Variants in COQ5 observed in about 807,000 individuals in gnomAD.
COQ5 encodes the protein 2-methoxy-6-polyprenyl-1,4-benzoquinol methylase, mitochondrial.
A neutral mutation model predicts 40.5 loss-of-function variants in COQ5; 27 were observed. The observed-to-expected ratio is 0.67, with a 90% CI of 0.49 to 0.92. The LOEUF (loss-of-function observed/expected upper bound fraction) is 0.92, where lower values mean the gene tolerates loss of function less well. Among genes scored for constraint, COQ5 ranks in the 40% least tolerant of loss-of-function variants. COQ5 has a pLI of 0.00. For missense variants in COQ5, 409 were observed against 406.4 expected, an observed-to-expected ratio of 1.01 and a Z score of -0.06; for synonymous variants, 141 against 150.0, an observed-to-expected ratio of 0.94 and a Z score of 0.44.
intron 4 of COQ5, among the ~76,000 whole-genome samples, chr12:120,505,315 C>T (rs564001496): frequency 6.6e-6 from 1 of 152,270 alleles, no homozygotes; most frequent in African/African-American, 2.4e-5. Context: ...TTCAAGGAAT[C>T]TAGCTTACAG....
rs373722232 is a variant in COQ5, at chr12:120,510,162, G to C, written c.575-39C>G. 4 of 1,509,900 alleles carry C rather than the reference G, an allele frequency of 2.6e-6. No individual in the cohort carries two copies. In the African/African-American group the frequency reaches 5.5e-5, roughly 21 times the overall value. The allele number at this position is 1,509,900 out of a possible 1,614,324, so 93.5% of individuals were successfully genotyped here. A position where few individuals can be genotyped will look rare whatever the true frequency, so the allele number is the denominator to read the frequency against. Reference sequence around the variant, plus strand: ...TGAGTTCCGGGTCTCAGTGTGGGTAGCTGTTTTTCCTGCCCCCAGTGAATT... The same window carrying C: ...TGAGTTCCGGGTCTCAGTGTGGGTACCTGTTTTTCCTGCCCCCAGTGAATT... On this transcript the variant is annotated intron_variant, in intron 3 of 6. Transcript: ENST00000288532.
At chr12:120,526,657 C>A in intron 1 of COQ5, 1 of 226,562 alleles carries the variant, frequency 4.4e-6, no homozygotes, top group Non-Finnish European at 8.9e-6. Context: ...ATATTTCATA[C>A]GACAAGAAGG....
chr12:120,528,238 A>C (rs1463915027), intron 1 of COQ5, among the ~76,000 whole-genome samples: 1 of 151,712 alleles, frequency 6.6e-6, no homozygotes, highest in Non-Finnish European at 1.5e-5. Flanking sequence ...AAATAAAAAC[A>C]ACCAAAAAAA....
chr12:120,511,775 T>C (rs1297288442), intron 3 of COQ5, among the ~76,000 whole-genome samples: 2 of 152,136 alleles, frequency 1.3e-5, no homozygotes, highest in African/African-American at 4.8e-5. Flanking sequence ...ATACAGTCAG[T>C]AAACGAATGA....
In COQ5 at chr12:120,522,308, C is replaced by T; in HGVS notation, c.258G>A (p.Met86Ile). Residue 86 changes from methionine (M) to isoleucine (I), a missense_variant, in exon 2 of 7, where the codon ATG (methionine) becomes ATA (isoleucine). By Grantham distance (10) the Met-to-Ile change is conservative. Transcript: ENST00000288532. ...TCCAAACACGATGGATACCAAGACTCATCATATCATTCATCACATCATACT... is the reference window on the plus strand; with the variant it reads ...TCCAAACACGATGGATACCAAGACTTATCATATCATTCATCACATCATACT... Reference protein sequence around the residue: ...AKKYDVMNDMMSLGIHRVWKD... With the variant: ...AKKYDVMNDMISLGIHRVWKD... 2 of 1,613,696 alleles carry T rather than the reference C, an allele frequency of 1.2e-6. No individual in the cohort carries two copies. The highest frequency in any genetic ancestry group is 1.1e-5 in the South Asian group (1 of 91,070).
At chr12:120,515,784 G>T (rs1869350905) in intron 3 of COQ5, among the ~76,000 whole-genome samples, 1 of 152,208 alleles carries the variant, frequency 6.6e-6, no homozygotes, top group South Asian at 2.1e-4. Context: ...TAGTCCCACA[G>T]TGTTCAGCCA....
rs1297337856 is a variant in COQ5, at chr12:120,523,242, C to T, written c.203-879G>A. On this transcript the variant is annotated intron_variant, in intron 1 of 6. Coordinates refer to ENST00000288532, the MANE Select transcript of COQ5 (RefSeq NM_032314.4). The stretch of plus-strand genomic sequence containing the variant: ...GTCCCAGCTACTCGGGAGGCTGAGG[C>T]AGGAGAATGGCGTGAACCTGGGAGG... 4 of 192,970 alleles carry T rather than the reference C, an allele frequency of 2.1e-5. No individual in the cohort carries two copies. The East Asian group carries it at 4.3e-4, about 21-fold the overall frequency. The allele number at this position is 192,970 out of a possible 1,614,324, so 12.0% of individuals were successfully genotyped here. A position where few individuals can be genotyped will look rare whatever the true frequency, so the allele number is the denominator to read the frequency against.
intron 1 of COQ5, chr12:120,522,836 A>T: frequency 1.5e-6 from 1 of 686,236 alleles, no homozygotes; most frequent in South Asian, 1.7e-5. Flanking sequence ...AGGCAAGTGG[A>T]TCGAGCTTGC....
At chr12:120,525,781 T>C (rs1181431636) in intron 1 of COQ5, among the ~76,000 whole-genome samples, 2 of 151,558 alleles carry the variant, frequency 1.3e-5, no homozygotes, top group Non-Finnish European at 2.9e-5. Flanking sequence ...AAAAACTAGC[T>C]GGGCGTGGTG....
At chr12:120,521,723 G>A (rs1339034498) in intron 2 of COQ5, among the ~76,000 whole-genome samples, 7 of 148,940 alleles carry the variant, frequency 4.7e-5, no homozygotes, top group Non-Finnish European at 7.4e-5. Flanking sequence ...GACAGGCACC[G>A]GCCAGGTTCA....
At chr12:120,511,728 G>A (rs979142012) in intron 3 of COQ5, among the ~76,000 whole-genome samples, 7 of 152,270 alleles carry the variant, frequency 4.6e-5, no homozygotes, top group Non-Finnish European at 7.4e-5. Flanking sequence ...CTCCTAGTAC[G>A]AAGTAGTTAT....
chr12:120,513,501 CAA>C (rs553219611), intron 3 of COQ5, among the ~76,000 whole-genome samples: 8 of 62,008 alleles, frequency 1.3e-4, no homozygotes, highest in Admixed American at 3.6e-4. Context: ...GACTCCGTCT[CAA>C]AAAAAAAAAA....
chr12:120,520,826 T>C (rs1161340869), intron 2 of COQ5, among the ~76,000 whole-genome samples: 2 of 151,828 alleles, frequency 1.3e-5, no homozygotes, highest in African/African-American at 4.8e-5. Flanking sequence ...CATTTTTCTC[T>C]CCAAATGCTC....
chr12:120,514,720 G>A (rs1350976224), intron 3 of COQ5, among the ~76,000 whole-genome samples: 2 of 151,000 alleles, frequency 1.3e-5, no homozygotes, highest in Non-Finnish European at 2.9e-5. Context: ...TCCATCCTGG[G>A]CAACAGGGCA....
intron 4 of COQ5, among the ~76,000 whole-genome samples, chr12:120,507,740 A>G (rs1234321146): frequency 2.0e-5 from 3 of 148,972 alleles, no homozygotes; most frequent in Admixed American, 2.0e-4. Context: ...ATACAAAATT[A>G]GTCGGGCATG....
At chr12:120,522,426 C>CA in intron 1 of COQ5, 63 bp from the exon 2 acceptor site, 1 of 1,554,834 alleles carries the variant, frequency 6.4e-7, no homozygotes. Context: ...AAATCCTAAA[C>CA]AAAAAAGGAG....
chr12:120,524,265 A>G (rs1177032108), intron 1 of COQ5, among the ~76,000 whole-genome samples: 2 of 145,038 alleles, frequency 1.4e-5, no homozygotes, highest in African/African-American at 5.0e-5. Context: ...TTAAAGTTAC[A>G]TTTTTTTTTT....
In COQ5 at chr12:120,503,321, T is replaced by C; in HGVS notation, c.*463A>G. ...TTACTGGTTCAGCACACAATTCTCA[T>C]GATCATTAATACTCTGACTTGGGCC... On this transcript the variant is annotated 3_prime_UTR_variant, in exon 7 of 7. Transcript: ENST00000288532. 3.0e-6 allele frequency: 1 copy of C among 329,274 alleles called. No individual in the cohort carries two copies. Among genetic ancestry groups the C allele is most frequent in the South Asian group, 2.5e-5 (1 of 39,470 alleles). The allele number at this position is 329,274 out of a possible 1,614,324, so 20.4% of individuals were successfully genotyped here.
Position 120,510,036 on chromosome 12 carries a change from T to C in COQ5, c.662A>G (p.Asn221Ser), listed in dbSNP as rs1048333814. Reference protein sequence around the residue: ...DIYTIAFGIRNVTHIDQALQE... With the variant: ...DIYTIAFGIRSVTHIDQALQE... ...TCATACCTGATCAATGTGTGTGACA[T>C]TCCGGATCCCAAAGGCAATGGTGTA... Residue 221 changes from asparagine (N) to serine (S), a missense_variant, in exon 4 of 7, where the codon AAT (asparagine) becomes AGT (serine). Asn to Ser is a conservative substitution (Grantham distance 46). Coordinates refer to ENST00000288532, the MANE Select transcript of COQ5 (RefSeq NM_032314.4). The C allele has an allele frequency of 6.2e-7, 1 of 1,614,010 alleles. No homozygotes were observed. The highest frequency in any genetic ancestry group is 8.5e-7 in the Non-Finnish European group (1 of 1,179,860).
Sources: gnomAD v4.1 joint callset for allele counts (sites outside exome capture counted in the v4.1 genomes callset) on GRCh38, gnomAD v4.1.1 for gene constraint, MANE v1.5 for transcripts, NCBI Gene and HGNC (gene_info 2026-07-23, HGNC 2026-07-21) for gene names.